SLC25A48: variants seen among roughly 807,000 people sequenced by gnomAD.
SLC25A48 encodes solute carrier family 25 member 48.
SLC25A48 carries 29 observed loss-of-function variants against 32.2 expected under a neutral mutation model. The observed-to-expected ratio is 0.90, with a 90% CI of 0.67 to 1.23. SLC25A48 has a LOEUF of 1.23. SLC25A48 is among the 50% of genes most tolerant of loss of function. The pLI, the probability that SLC25A48 is intolerant of heterozygous loss-of-function variation, is 0.00. For synonymous variants in SLC25A48, 164 were observed against 172.3 expected, an observed-to-expected ratio of 0.95 and a Z score of 0.38; for missense variants, 399 against 422.7, an observed-to-expected ratio of 0.94 and a Z score of 0.49.
intron 1 of SLC25A48, among the ~76,000 whole-genome samples, chr5:135,626,042 C>A (rs1752433955): frequency 6.6e-6 from 1 of 152,226 alleles, no homozygotes; most frequent in South Asian, 2.1e-4. Flanking sequence ...GGCCCTAAAA[C>A]CCAGGCTGAA....
chr5:135,740,178 G>A (rs1180784912), intron 3 of SLC25A48, among the ~76,000 whole-genome samples: 1 of 152,090 alleles, frequency 6.6e-6, no homozygotes, highest in Non-Finnish European at 1.5e-5. Flanking sequence ...GCATGTGTGT[G>A]TGTGTGTATG....
intron 3 of SLC25A48, among the ~76,000 whole-genome samples, chr5:135,769,772 T>C (rs943032045): frequency 1.3e-5 from 2 of 151,712 alleles, no homozygotes; most frequent in Non-Finnish European, 2.9e-5. Context: ...GTGATACTTT[T>C]TGTTAGATCC....
chr5:135,598,018 ACCAAAAAACAAACAAAC>A (rs1173037729), intron 1 of SLC25A48, among the ~76,000 whole-genome samples: 1 of 73,270 alleles, frequency 1.4e-5, no homozygotes, highest in African/African-American at 4.2e-5. Context: ...AAAAAATCAA[ACCAAAAAACAAACAAAC>A]AAACAAACAA....
chr5:135,750,980 C>T (rs1755757929), intron 3 of SLC25A48, among the ~76,000 whole-genome samples: 1 of 152,170 alleles, frequency 6.6e-6, no homozygotes. Context: ...GCTGAGCCAC[C>T]TCAGTGCTCT....
rs116204573 is a variant in SLC25A48, at chr5:135,777,611, C to T, written c.-520-34912C>T. Among the ~76,000 whole-genome samples, 1,002 of 151,554 alleles carry T rather than the reference C, an allele frequency of 6.6e-3. 14 individuals are homozygous for T. The highest frequency in any genetic ancestry group is 0.023 in the African/African-American group (963 of 41,266). ...AATATTGCAGGGCATGTAACCGCCCCCTTGTGATATTGTTCCTAATATCGA... is the reference window on the plus strand; with the variant it reads ...AATATTGCAGGGCATGTAACCGCCCTCTTGTGATATTGTTCCTAATATCGA... On this transcript the variant is annotated intron_variant, in intron 3 of 10. Transcript: ENST00000646290.
intron 3 of SLC25A48, among the ~76,000 whole-genome samples, chr5:135,798,808 C>T (rs147767428): frequency 4.6e-5 from 7 of 151,404 alleles, no homozygotes; most frequent in Admixed American, 3.3e-4. Context: ...TTCTAATTCC[C>T]GTGGGAGAGA....
At chr5:135,703,014 C>T (rs568880930) in intron 3 of SLC25A48, among the ~76,000 whole-genome samples, 12 of 152,150 alleles carry the variant, frequency 7.9e-5, no homozygotes, top group South Asian at 2.1e-4. Flanking sequence ...CTCTCATCAG[C>T]GCTGGAAAAT....
intron 3 of SLC25A48, among the ~76,000 whole-genome samples, chr5:135,720,904 C>A (rs1754935774): frequency 6.6e-6 from 1 of 152,114 alleles, no homozygotes; most frequent in Admixed American, 6.5e-5. Context: ...GGCCCTCCCT[C>A]TGACACTGGC....
intron 3 of SLC25A48, 42 bp from the exon 4 acceptor site, chr5:135,852,521 G>T (rs778209162): frequency 3.5e-5 from 55 of 1,557,194 alleles, no homozygotes; most frequent in Non-Finnish European, 4.6e-5. Context: ...TGCGACGGCA[G>T]CCCGGGGTCC....
At chr5:135,604,809 T>C (rs1751892240) in intron 1 of SLC25A48, among the ~76,000 whole-genome samples, 1 of 151,854 alleles carries the variant, frequency 6.6e-6, no homozygotes, top group Admixed American at 6.5e-5. Flanking sequence ...CAGCCCAGTG[T>C]GGTGGTCAAG....
chr5:135,595,654 G>A (rs960180184), intron 1 of SLC25A48, among the ~76,000 whole-genome samples: 4 of 152,194 alleles, frequency 2.6e-5, no homozygotes, highest in Non-Finnish European at 5.9e-5. Context: ...GCGCATACAT[G>A]CTAGCTCTGT....
intron 2 of SLC25A48, among the ~76,000 whole-genome samples, chr5:135,632,297 A>G (rs763505837): frequency 6.6e-6 from 1 of 152,230 alleles, no homozygotes; most frequent in South Asian, 2.1e-4. Context: ...TCAGGCTTCC[A>G]TGTGGAGGAT....
chr5:135,656,401 T>C (rs756346847), intron 3 of SLC25A48, among the ~76,000 whole-genome samples: 24 of 152,166 alleles, frequency 1.6e-4, no homozygotes, highest in Non-Finnish European at 3.1e-4. Context: ...TTGCAAGAGC[T>C]GAGATCCCTG....
intron 4 of SLC25A48, among the ~76,000 whole-genome samples, chr5:135,829,275 G>T (rs1318811560): frequency 1.3e-5 from 2 of 152,228 alleles, no homozygotes; most frequent in Admixed American, 1.3e-4. Flanking sequence ...ACGCAGCAGG[G>T]TCTCCTCCTA....
intron 3 of SLC25A48, among the ~76,000 whole-genome samples, chr5:135,736,367 C>T (rs371559725): frequency 3.3e-5 from 5 of 152,134 alleles, no homozygotes; most frequent in African/African-American, 7.2e-5. Flanking sequence ...TGGGGCCAAG[C>T]GGTGTTGCAG....
intron 1 of SLC25A48, among the ~76,000 whole-genome samples, chr5:135,597,900 A>G (rs1751692773): frequency 6.6e-6 from 1 of 152,160 alleles, no homozygotes; most frequent in Non-Finnish European, 1.5e-5. Context: ...GCTACTCGGG[A>G]GGCTGAGGCA....
chr5:135,645,786 G>C (rs1260642050), intron 3 of SLC25A48, among the ~76,000 whole-genome samples: 1 of 152,212 alleles, frequency 6.6e-6, no homozygotes, highest in Non-Finnish European at 1.5e-5. Flanking sequence ...ACCCAAAAGA[G>C]AAAACTCAGA....
At chr5:135,631,407 G>A (rs1327018337) in intron 2 of SLC25A48, among the ~76,000 whole-genome samples, 1 of 152,244 alleles carries the variant, frequency 6.6e-6, no homozygotes, top group Non-Finnish European at 1.5e-5. Flanking sequence ...GCGGAGCCAT[G>A]GCTTGTGCCT....
At chr5:135,815,149 C>T (rs1038984834) in intron 4 of SLC25A48, among the ~76,000 whole-genome samples, 38 of 152,172 alleles carry the variant, frequency 2.5e-4, no homozygotes, top group African/African-American at 5.6e-4. Flanking sequence ...TCTAAAGCAG[C>T]GGTCCCCAAC....
Sources: allele counts gnomAD v4.1 joint callset (sites outside exome capture counted in the v4.1 genomes callset), GRCh38; gene constraint gnomAD v4.1.1; transcripts MANE v1.5; gene names NCBI Gene and HGNC (gene_info 2026-07-23, HGNC 2026-07-21).